Variants in WDPCP observed in about 807,000 individuals in gnomAD.
WDPCP encodes the protein WD repeat-containing and planar cell polarity effector protein fritz homolog.
A neutral mutation model predicts 93.1 loss-of-function variants in WDPCP; 71 were observed. That is an observed-to-expected ratio of 0.76 (90% CI 0.63 to 0.93). The LOEUF (loss-of-function observed/expected upper bound fraction) is 0.93. WDPCP is among the 40% of genes least tolerant of loss of function. The pLI is 0.00. For synonymous variants in WDPCP, 315 were observed against 315.0 expected (o/e 1.00, Z 0.00); for missense variants, 844 against 887.4 (o/e 0.95, Z 0.62).
At chr2:63,339,439 T>C (rs1223167352) in intron 12 of WDPCP, among the ~76,000 whole-genome samples, 6 of 152,126 alleles carry the variant, frequency 3.9e-5, no homozygotes, top group Non-Finnish European at 8.8e-5. Context: ...TCCCAAAGTG[T>C]TGGGATTACA....
intron 1 of WDPCP, among the ~76,000 whole-genome samples, chr2:63,521,455 CAAAG>C (rs1445146422): frequency 1.3e-5 from 2 of 152,062 alleles, no homozygotes; most frequent in Non-Finnish European, 2.9e-5. Flanking sequence ...TCAAAAAAGA[CAAAG>C]AAGGGCATTA....
At chr2:63,162,399 G>A (rs570474029) in intron 15 of WDPCP, among the ~76,000 whole-genome samples, 25 of 152,076 alleles carry the variant, frequency 1.6e-4, no homozygotes, top group Non-Finnish European at 2.6e-4. Context: ...GGACATTTCT[G>A]TAACATCTCT....
At chr2:63,414,863 A>G (rs928816641) in intron 9 of WDPCP, among the ~76,000 whole-genome samples, 7 of 152,108 alleles carry the variant, frequency 4.6e-5, no homozygotes. Context: ...CTTTACCCCA[A>G]TAAGTTATGG....
At chr2:63,771,173 A>G (rs1670220531) in intron 2 of WDPCP, among the ~76,000 whole-genome samples, 1 of 151,748 alleles carries the variant, frequency 6.6e-6, no homozygotes, top group South Asian at 2.1e-4. Context: ...TCAAGAAAAA[A>G]AGAAATAAAG....
At chr2:63,337,860 A>G (rs1462817076) in intron 12 of WDPCP, among the ~76,000 whole-genome samples, 2 of 152,040 alleles carry the variant, frequency 1.3e-5, no homozygotes, top group Admixed American at 6.5e-5. Context: ...TTTTTTTGCT[A>G]TTAAGTTATT....
chr2:63,784,135 G>A (rs548979626), intron 2 of WDPCP, among the ~76,000 whole-genome samples: 4 of 152,078 alleles, frequency 2.6e-5, no homozygotes, highest in African/African-American at 9.7e-5. Context: ...CACTGTACTT[G>A]AGACATATGG....
At position 63,570,992 on chromosome 2, in the gene WDPCP, G is replaced by A. The variant is rs750278600; in HGVS notation, c.75+17205C>T. Among the ~76,000 whole-genome samples, 6 of 151,702 alleles carry A rather than the reference G, an allele frequency of 4.0e-5. 1 individual carries two copies. Among genetic ancestry groups the A allele is most frequent in the Admixed American group, 2.0e-4 (3 of 15,218 alleles). On this transcript the variant is annotated intron_variant, in intron 1 of 17. Coordinates refer to ENST00000272321, the MANE Select transcript of WDPCP (RefSeq NM_015910.7). ...ACGATCTCAGCTCACTGCAACCTCCGCCTCTTGGTTCAAGCAATTCTCCTG... is the reference window on the plus strand; with the variant it reads ...ACGATCTCAGCTCACTGCAACCTCCACCTCTTGGTTCAAGCAATTCTCCTG...
intron 2 of WDPCP, among the ~76,000 whole-genome samples, chr2:63,663,462 C>T (rs987111252): frequency 5.3e-5 from 8 of 152,118 alleles, no homozygotes; most frequent in African/African-American, 1.9e-4. Flanking sequence ...TGAATGCTGG[C>T]GTGGGTTGGC....
chr2:63,553,105 T>C (rs1705806884), intron 1 of WDPCP, among the ~76,000 whole-genome samples: 2 of 152,176 alleles, frequency 1.3e-5, no homozygotes, highest in African/African-American at 2.4e-5. Context: ...ATTTTTTAAG[T>C]GTTTAGTTCT....
At chr2:63,273,231 C>A (rs183871738) in intron 13 of WDPCP, among the ~76,000 whole-genome samples, 1 of 152,002 alleles carries the variant, frequency 6.6e-6, no homozygotes, top group African/African-American at 2.4e-5. Flanking sequence ...ACTGGTCCTA[C>A]AAGAAATATT....
At chr2:63,167,487 C>A (rs1158306674) in intron 15 of WDPCP, among the ~76,000 whole-genome samples, 2 of 151,828 alleles carry the variant, frequency 1.3e-5, no homozygotes, top group East Asian at 1.9e-4. Context: ...ATAATTACTT[C>A]TTAGAAATTT....
intron 2 of WDPCP, among the ~76,000 whole-genome samples, chr2:63,732,537 A>G (rs1669578030): frequency 6.6e-6 from 1 of 152,254 alleles, no homozygotes; most frequent in South Asian, 2.1e-4. Context: ...GGAGATATAT[A>G]CTTATTAGAG....
intron 13 of WDPCP, among the ~76,000 whole-genome samples, chr2:63,275,903 C>G (rs931254965): frequency 2.0e-5 from 3 of 152,130 alleles, no homozygotes; most frequent in Non-Finnish European, 4.4e-5. Flanking sequence ...TGAACTTTTG[C>G]TCCAAGAACT....
chr2:63,191,943 G>A (rs1354194280), intron 14 of WDPCP, among the ~76,000 whole-genome samples: 9 of 152,214 alleles, frequency 5.9e-5, no homozygotes, highest in East Asian at 1.9e-4. Context: ...CTATAGTGTC[G>A]GAGTTGAGTA....
chr2:63,142,921 T>TAC (rs762369666), intron 17 of WDPCP, among the ~76,000 whole-genome samples: 951 of 76,580 alleles, frequency 0.012, 8 homozygotes, highest in African/African-American at 0.042. Flanking sequence ...TACACATACA[T>TAC]ATACACACAC....
Position 63,313,886 on chromosome 2 carries a change from A to ATTTT in WDPCP, c.1749-579_1749-576dup, listed in dbSNP as rs61487991. Among the ~76,000 whole-genome samples, 39 of 74,478 alleles carry ATTTT rather than the reference A, an allele frequency of 5.2e-4. 1 individual carries two copies. Among genetic ancestry groups the ATTTT allele is most frequent in the South Asian group, 9.6e-4 (2 of 2,084 alleles). 48.9% of individuals were successfully genotyped at this position (74,478 alleles called of 152,430 possible). A position where few individuals can be genotyped will look rare whatever the true frequency, so the allele number is the denominator to read the frequency against. On this transcript the variant is annotated intron_variant, in intron 12 of 17. Transcript: ENST00000272321. The stretch of plus-strand genomic sequence containing the variant: ...TATATATATATATATATATATATAT[A>ATTTT]TTTTTTTTTTTTTGGAGATGGAGTC...
At chr2:63,645,060 C>T (rs1321601483) in intron 3 of WDPCP, among the ~76,000 whole-genome samples, 1 of 151,850 alleles carries the variant, frequency 6.6e-6, no homozygotes, top group African/African-American at 2.4e-5. Context: ...GCTTGCTTTG[C>T]TCTTGCTTTT....
At chr2:63,543,794 T>A (rs1319615304) in intron 1 of WDPCP, among the ~76,000 whole-genome samples, 1 of 152,052 alleles carries the variant, frequency 6.6e-6, no homozygotes, top group African/African-American at 2.4e-5. Flanking sequence ...ATTACTCAAA[T>A]CCTAGGGCAT....
intron 12 of WDPCP, among the ~76,000 whole-genome samples, chr2:63,362,804 A>C (rs1690589395): frequency 6.6e-6 from 1 of 152,076 alleles, no homozygotes; most frequent in South Asian, 2.1e-4. Context: ...AGCTGGAACT[A>C]CCATACCCTG....
Sources: gnomAD v4.1 joint callset for allele counts (sites outside exome capture counted in the v4.1 genomes callset) on GRCh38, gnomAD v4.1.1 for gene constraint, MANE v1.5 for transcripts, NCBI Gene and HGNC (gene_info 2026-07-23, HGNC 2026-07-21) for gene names.